Variants in CEP83 observed in about 807,000 individuals in gnomAD.
CEP83 encodes the protein centrosomal protein 83, also known as centrosomal protein of 83 kDa.
A neutral mutation model predicts 101.9 loss-of-function variants in CEP83; 70 were observed. The observed-to-expected ratio is 0.69, with a 90% CI of 0.57 to 0.84. The LOEUF is 0.84. Ranked by LOEUF, CEP83 falls within the 40% of genes least tolerant of loss-of-function variation. The probability of loss-of-function intolerance (pLI) is 0.00; values close to 1 mark genes in which losing one functional copy is unlikely to be tolerated. For missense variants in CEP83, 715 were observed against 787.2 expected (o/e 0.91, Z 1.10); for synonymous variants, 264 against 267.9 (o/e 0.99, Z 0.14).
intron 2 of CEP83, among the ~76,000 whole-genome samples, chr12:94,420,440 G>A (rs1423103407): frequency 6.6e-6 from 1 of 152,194 alleles, no homozygotes; most frequent in Non-Finnish European, 1.5e-5. Flanking sequence ...GCACTATACT[G>A]CAATAAAAAT....
At chr12:94,362,901 G>A (rs1242376185) in intron 11 of CEP83, among the ~76,000 whole-genome samples, 1 of 151,966 alleles carries the variant, frequency 6.6e-6, no homozygotes, top group Non-Finnish European at 1.5e-5. Context: ...GACAAGTATG[G>A]AGGACAATTG....
chr12:94,287,967 G>A, the CEP83 span, among the ~76,000 whole-genome samples: 1 of 152,226 alleles, frequency 6.6e-6, no homozygotes, highest in African/African-American at 2.4e-5. Flanking sequence ...CTTGGCCAGA[G>A]TCACAGAGTT....
At chr12:94,311,433 C>T (rs142290967) in intron 15 of CEP83, among the ~76,000 whole-genome samples, 126 of 152,240 alleles carry the variant, frequency 8.3e-4, no homozygotes, top group Admixed American at 2.3e-3. Flanking sequence ...GTCAGAAGCA[C>T]GGGTTACAAC....
intron 14 of CEP83, among the ~76,000 whole-genome samples, chr12:94,328,911 A>C (rs2059088815): frequency 1.3e-5 from 2 of 152,242 alleles, no homozygotes; most frequent in South Asian, 2.1e-4. Flanking sequence ...AACTTGTAAA[A>C]GCTATTTGAA....
chr12:94,454,508 T>C (rs1594177713), intron 1 of CEP83, among the ~76,000 whole-genome samples: 2 of 152,114 alleles, frequency 1.3e-5, no homozygotes, highest in South Asian at 4.1e-4. Context: ...CAGCACTCTG[T>C]AAAATGGACC....
chr12:94,287,292 C>G, the CEP83 span, among the ~76,000 whole-genome samples: 1 of 152,208 alleles, frequency 6.6e-6, no homozygotes, highest in Non-Finnish European at 1.5e-5. Context: ...GGATGTCATT[C>G]TGTGTGCGTT....
In CEP83 at chr12:94,343,614, C is replaced by T. The variant is rs557720717; in HGVS notation, c.1344-7950G>A. Among the ~76,000 whole-genome samples the T allele has an allele frequency of 1.3e-3, 194 of 149,836 alleles. 1 individual carries two copies. The South Asian group carries it at 0.015, about 12-fold the overall frequency. ...ACGCCATTCTCCTGCCTCAGCCTCC[C>T]GAGTAGCTGGGACTACAGGCGCCCG... is the stretch of plus-strand genomic sequence containing the variant. On this transcript the variant is annotated intron_variant, in intron 11 of 16. Coordinates refer to ENST00000397809, the MANE Select transcript of CEP83 (RefSeq NM_016122.3).
the CEP83 span, among the ~76,000 whole-genome samples, chr12:94,289,981 C>T: frequency 2.6e-5 from 4 of 152,198 alleles, no homozygotes; most frequent in East Asian, 1.9e-4. Context: ...GCACTAGCAG[C>T]GGGCTGTTGC....
chr12:94,401,888 T>C lies in CEP83; in HGVS notation c.418-907A>G, dbSNP rs544937966. Among the ~76,000 whole-genome samples the C allele has an allele frequency of 1.3e-3, 192 of 152,306 alleles. 1 individual carries two copies. Among genetic ancestry groups the C allele is most frequent in the Non-Finnish European group, 2.2e-3 (149 of 68,022 alleles). ...CATTAGGACTGTATTAGAAAGATCATATTATCAAGCCAGTAAGCCATTATA... is the reference window on the plus strand; with the variant it reads ...CATTAGGACTGTATTAGAAAGATCACATTATCAAGCCAGTAAGCCATTATA... On this transcript the variant is annotated intron_variant, in intron 5 of 16. Transcript: ENST00000397809.
intron 6 of CEP83, among the ~76,000 whole-genome samples, chr12:94,390,766 T>C (rs1334997604): frequency 6.6e-6 from 1 of 151,580 alleles, no homozygotes; most frequent in East Asian, 1.9e-4. Context: ...GAATAAACAG[T>C]GTAGAGAAGA....
At chr12:94,301,683 G>T (rs141560812), downstream of CEP83, among the ~76,000 whole-genome samples, 121 of 152,306 alleles carry the variant, frequency 7.9e-4, 1 homozygote, top group East Asian at 0.022. Flanking sequence ...CACTGAGGAG[G>T]AGTTCTTGGG....
At chr12:94,332,362 T>C (rs1185263693) in intron 13 of CEP83, among the ~76,000 whole-genome samples, 2 of 152,206 alleles carry the variant, frequency 1.3e-5, no homozygotes, top group Non-Finnish European at 2.9e-5. Context: ...CTGCATACTT[T>C]ATATGATTTT....
intron 15 of CEP83, 64 bp downstream of exon 15, chr12:94,312,850 T>TA: frequency 7.8e-7 from 1 of 1,274,530 alleles, no homozygotes; most frequent in Non-Finnish European, 1.1e-6. Flanking sequence ...ACGTTATACT[T>TA]AGAGACAAAG....
intron 1 of CEP83, among the ~76,000 whole-genome samples, chr12:94,449,602 CG>C (rs1402385641): frequency 1.4e-5 from 2 of 138,404 alleles, no homozygotes; most frequent in Non-Finnish European, 3.1e-5. Flanking sequence ...CAAAAAATAC[CG>C]AAAAAAAAAA....
the CEP83 span, chr12:94,278,190 T>C: frequency 5.3e-6 from 2 of 373,962 alleles, no homozygotes; most frequent in Middle Eastern, 3.7e-4. Flanking sequence ...CATTTTACAT[T>C]CCCTCGTTAA....
At chr12:94,344,705 T>C (rs1207901177) in intron 11 of CEP83, among the ~76,000 whole-genome samples, 3 of 152,152 alleles carry the variant, frequency 2.0e-5, no homozygotes, top group Non-Finnish European at 4.4e-5. Flanking sequence ...TGTATGATAT[T>C]CATGGATTGG....
At chr12:94,413,002 G>A (rs1189273775) in intron 2 of CEP83, among the ~76,000 whole-genome samples, 11 of 151,948 alleles carry the variant, frequency 7.2e-5, no homozygotes, top group African/African-American at 2.4e-4. Context: ...ACAGGAGCCC[G>A]CCACCACGCT....
intron 14 of CEP83, among the ~76,000 whole-genome samples, chr12:94,330,663 A>G (rs990842242): frequency 2.0e-5 from 3 of 152,224 alleles, no homozygotes; most frequent in Non-Finnish European, 4.4e-5. Context: ...TGAATTGGAA[A>G]CAAAAAAGCC....
At chr12:94,328,551 G>T (rs1264957720) in intron 14 of CEP83, among the ~76,000 whole-genome samples, 4 of 152,156 alleles carry the variant, frequency 2.6e-5, no homozygotes, top group Admixed American at 2.6e-4. Flanking sequence ...AAAATGCTAT[G>T]ACTTTTGGCA....
Sources: gnomAD v4.1 joint callset for allele counts (sites outside exome capture counted in the v4.1 genomes callset) on GRCh38, gnomAD v4.1.1 for gene constraint, MANE v1.5 for transcripts, NCBI Gene and HGNC (gene_info 2026-07-23, HGNC 2026-07-21) for gene names.